Variants in SCHIP1 observed in about 807,000 individuals in gnomAD.
SCHIP1 encodes the protein schwannomin interacting protein 1.
A neutral mutation model predicts 29.7 loss-of-function variants in SCHIP1; 8 were observed. That is an observed-to-expected ratio of 0.27 (90% CI 0.16 to 0.49). The LOEUF (loss-of-function observed/expected upper bound fraction) is 0.49, where lower values mean the gene tolerates loss of function less well. Ranked by LOEUF, SCHIP1 falls within the 20% of genes least tolerant of loss-of-function variation. SCHIP1 has a pLI of 0.99. For missense variants in SCHIP1, 193 were observed against 294.6 expected (o/e 0.66, Z 2.52); for synonymous variants, 76 against 94.9 (o/e 0.80, Z 1.16).
At chr3:159,719,060 GC>G in the SCHIP1 span, among the ~76,000 whole-genome samples, 8 of 152,074 alleles carry the variant, frequency 5.3e-5, no homozygotes, top group Non-Finnish European at 1.2e-4. Context: ...ACAGAACAGC[GC>G]CCTCAGAAAT....
the SCHIP1 span, among the ~76,000 whole-genome samples, chr3:159,643,546 A>G: frequency 6.6e-6 from 1 of 152,124 alleles, no homozygotes; most frequent in African/African-American, 2.4e-5. Context: ...ACCAGAGGGT[A>G]GCTTGGTGGA....
chr3:159,742,272 G>A, the SCHIP1 span, among the ~76,000 whole-genome samples: 825 of 152,308 alleles, frequency 5.4e-3, 3 homozygotes, highest in African/African-American at 0.019. Context: ...TGCTAGGGCT[G>A]AGCAAATGCT....
chr3:159,689,444 T>C, the SCHIP1 span, among the ~76,000 whole-genome samples: 24 of 152,304 alleles, frequency 1.6e-4, no homozygotes, highest in South Asian at 4.4e-3. Flanking sequence ...TGCACATTGA[T>C]TTTTGTATCC....
the SCHIP1 span, among the ~76,000 whole-genome samples, chr3:159,487,264 C>T: frequency 1.2e-4 from 19 of 152,220 alleles, no homozygotes; most frequent in South Asian, 2.9e-3. Flanking sequence ...TTTTAGTTTG[C>T]GTCAGTTTCA....
chr3:159,570,829 G>A, the SCHIP1 span, among the ~76,000 whole-genome samples: 1 of 152,092 alleles, frequency 6.6e-6, no homozygotes, highest in Non-Finnish European at 1.5e-5. Flanking sequence ...GTTGAGCAGT[G>A]GTTTCTAGTT....
At chr3:159,865,027 CT>C (rs1447593673) in intron 1 of SCHIP1, among the ~76,000 whole-genome samples, 1 of 152,174 alleles carries the variant, frequency 6.6e-6, no homozygotes, top group African/African-American at 2.4e-5. Context: ...TCAGTGCGCC[CT>C]TCCCACAGGC....
the SCHIP1 span, among the ~76,000 whole-genome samples, chr3:159,281,178 G>C: frequency 6.6e-6 from 1 of 152,098 alleles, no homozygotes; most frequent in Non-Finnish European, 1.5e-5. Context: ...CCAAAGACTG[G>C]GCTAATTAGA....
At chr3:159,498,836 G>T in the SCHIP1 span, among the ~76,000 whole-genome samples, 1 of 152,160 alleles carries the variant, frequency 6.6e-6, no homozygotes, top group Non-Finnish European at 1.5e-5. Context: ...TTGATTGCAA[G>T]TAGCAATCTT....
At chr3:159,548,059 A>T in the SCHIP1 span, among the ~76,000 whole-genome samples, 2 of 152,068 alleles carry the variant, frequency 1.3e-5, no homozygotes, top group African/African-American at 2.4e-5. Context: ...CCCTTTTATA[A>T]ATCACTCTGT....
the SCHIP1 span, among the ~76,000 whole-genome samples, chr3:159,826,879 A>T: frequency 1.3e-5 from 2 of 152,208 alleles, no homozygotes; most frequent in African/African-American, 4.8e-5. Context: ...AAGAGTTGGG[A>T]TTAATGTGCA....
At chr3:159,808,892 G>A in the SCHIP1 span, among the ~76,000 whole-genome samples, 23,811 of 152,004 alleles carry the variant, frequency 0.16, 1,962 homozygotes, top group African/African-American at 0.21. Context: ...GGGAGACAGA[G>A]GTTGCAGTGA....
At chr3:159,767,500 G>A in the SCHIP1 span, among the ~76,000 whole-genome samples, 2 of 152,198 alleles carry the variant, frequency 1.3e-5, no homozygotes, top group Non-Finnish European at 2.9e-5. Flanking sequence ...GAGAAGGCCT[G>A]CCTTGAAGGA....
At chr3:159,887,791 G>T in exon 4 of SCHIP1, 2 of 1,614,038 alleles carry the variant, frequency 1.2e-6, no homozygotes, top group Non-Finnish European at 8.5e-7. Context: ...TCCTTACAAG[G>T]CAAAAGAAAT....
At chr3:159,299,792 C>T in the SCHIP1 span, among the ~76,000 whole-genome samples, 7 of 152,144 alleles carry the variant, frequency 4.6e-5, no homozygotes. Context: ...CTTGTTTCTT[C>T]CCTGACGTAG....
At chr3:159,669,861 G>A in the SCHIP1 span, among the ~76,000 whole-genome samples, 1 of 152,228 alleles carries the variant, frequency 6.6e-6, no homozygotes, top group Non-Finnish European at 1.5e-5. Context: ...AGGAAGCTAT[G>A]TGATGAATCG....
At chr3:159,447,432 A>T in the SCHIP1 span, among the ~76,000 whole-genome samples, 1 of 152,144 alleles carries the variant, frequency 6.6e-6, no homozygotes, top group Non-Finnish European at 1.5e-5. Flanking sequence ...ACTAGAGAGT[A>T]AAAAGGTCTT....
At chr3:159,654,798 TAAGTAAAA>T in the SCHIP1 span, among the ~76,000 whole-genome samples, 28 of 114,048 alleles carry the variant, frequency 2.5e-4, 1 homozygote, top group African/African-American at 1.4e-3. Context: ...TCTATGACTT[TAAGTAAAA>T]AAAAAAAAAA....
intron 2 of SCHIP1, among the ~76,000 whole-genome samples, chr3:159,869,898 C>T (rs1000947244): frequency 1.3e-5 from 2 of 151,852 alleles, no homozygotes; most frequent in African/African-American, 4.8e-5. Flanking sequence ...ACATATTACA[C>T]ATCTCTTGTT....
the SCHIP1 span, among the ~76,000 whole-genome samples, chr3:159,657,543 A>G: frequency 6.6e-6 from 1 of 152,214 alleles, no homozygotes; most frequent in African/African-American, 2.4e-5. Flanking sequence ...AATTTAAGTG[A>G]TAATAAAAGG....
Sources: allele counts gnomAD v4.1 joint callset (sites outside exome capture counted in the v4.1 genomes callset), GRCh38; gene constraint gnomAD v4.1.1; transcripts MANE v1.5; gene names NCBI Gene and HGNC (gene_info 2026-07-23, HGNC 2026-07-21).